The following MAGI2 variants were observed in gnomAD, a reference collection of about 807,000 sequenced individuals.
MAGI2 encodes the protein membrane associated guanylate kinase, WW and PDZ domain containing 2.
In MAGI2, 35 loss-of-function variants were observed where a neutral mutation model predicts 133.3. That is an observed-to-expected ratio of 0.26 (90% CI 0.20 to 0.35). The LOEUF is 0.35. MAGI2 is among the 10% of genes least tolerant of loss of function. The pLI is 1.00. For synonymous variants in MAGI2, 729 were observed against 710.6 expected (o/e 1.03, Z -0.41); for missense variants, 1,636 against 1,863.4 (o/e 0.88, Z 2.25).
At chr7:78,114,381 A>G (rs1819655178) in intron 20 of MAGI2, among the ~76,000 whole-genome samples, 1 of 152,192 alleles carries the variant, frequency 6.6e-6, no homozygotes, top group African/African-American at 2.4e-5. Flanking sequence ...ACTTTTTCCC[A>G]CTGGGAAATT....
intron 6 of MAGI2, among the ~76,000 whole-genome samples, chr7:78,455,692 G>A (rs1032595907): frequency 6.6e-6 from 1 of 152,048 alleles, no homozygotes; most frequent in African/African-American, 2.4e-5. Context: ...TAATATAGTC[G>A]CTATACCAAC....
intron 2 of MAGI2, among the ~76,000 whole-genome samples, chr7:78,713,371 C>T (rs1222121907): frequency 3.3e-5 from 5 of 152,038 alleles, no homozygotes; most frequent in Non-Finnish European, 7.4e-5. Context: ...ATAGTTTTGG[C>T]ATATTTGATA....
intron 3 of MAGI2, among the ~76,000 whole-genome samples, chr7:78,542,714 A>G (rs776525026): frequency 1.3e-4 from 20 of 152,194 alleles, no homozygotes; most frequent in Non-Finnish European, 1.5e-4. Context: ...CATAACATGT[A>G]AGGGGAGGAG....
At chr7:78,053,750 G>T (rs924273632) in intron 21 of MAGI2, among the ~76,000 whole-genome samples, 12 of 152,138 alleles carry the variant, frequency 7.9e-5, no homozygotes, top group Admixed American at 1.3e-4. Context: ...GGTGGATTAA[G>T]GAACGATCAG....
intron 1 of MAGI2, among the ~76,000 whole-genome samples, chr7:79,059,651 C>G (rs1172663941): frequency 6.6e-6 from 1 of 151,962 alleles, no homozygotes; most frequent in Non-Finnish European, 1.5e-5. Flanking sequence ...GTTATTAGAT[C>G]TTTATGTCCA....
At chr7:78,243,783 CAGA>C (rs1791442434) in intron 10 of MAGI2, among the ~76,000 whole-genome samples, 1 of 151,936 alleles carries the variant, frequency 6.6e-6, no homozygotes, top group Non-Finnish European at 1.5e-5. Flanking sequence ...ACAAATTAAG[CAGA>C]AGACTTTGTT....
At chr7:78,294,197 G>C (rs895386474) in intron 9 of MAGI2, among the ~76,000 whole-genome samples, 1 of 152,016 alleles carries the variant, frequency 6.6e-6, no homozygotes, top group African/African-American at 2.4e-5. Flanking sequence ...ATTAGACTGT[G>C]AACTTCCAGT....
chr7:78,996,299 T>C (rs1373825974), intron 2 of MAGI2, among the ~76,000 whole-genome samples: 1 of 152,232 alleles, frequency 6.6e-6, no homozygotes, highest in Non-Finnish European at 1.5e-5. Flanking sequence ...ATGTTAACTT[T>C]GTGGTCTAAA....
chr7:78,171,807 G>C (rs547257234), intron 14 of MAGI2, among the ~76,000 whole-genome samples: 84 of 151,008 alleles, frequency 5.6e-4, no homozygotes, highest in African/African-American at 2.0e-3. Context: ...CTCTAGCCCA[G>C]GGGGACTCTT....
At chr7:78,278,867 T>C (rs1387483040) in intron 9 of MAGI2, among the ~76,000 whole-genome samples, 1 of 152,162 alleles carries the variant, frequency 6.6e-6, no homozygotes, top group East Asian at 1.9e-4. Flanking sequence ...TCTGGTTTTG[T>C]TTCTCTGGAG....
At position 78,699,696 on chromosome 7, in the gene MAGI2, G is replaced by GT. The variant is rs571900299; in HGVS notation, c.419-72458dup. On this transcript the variant is annotated intron_variant, in intron 2 of 21. Transcript: ENST00000354212. ...CTTTACTTGGCAATTGTGTAACAAG[G>GT]TTCCTCATATAACATTAAGTCAGTA... is the stretch of plus-strand genomic sequence containing the variant. Among the ~76,000 whole-genome samples the GT allele has an allele frequency of 4.6e-5, 7 of 152,202 alleles. No homozygotes were observed. The South Asian group carries it at 1.5e-3, about 32-fold the overall frequency.
chr7:78,184,634 G>C (rs1250218051), intron 13 of MAGI2: 2 of 151,178 alleles, frequency 1.3e-5, no homozygotes, highest in African/African-American at 4.9e-5. Context: ...GCTGTTTAAA[G>C]CATTTTCATC....
At chr7:78,222,048 T>C (rs1788886856) in intron 10 of MAGI2, among the ~76,000 whole-genome samples, 1 of 151,992 alleles carries the variant, frequency 6.6e-6, no homozygotes, top group African/African-American at 2.4e-5. Context: ...AGATCTTGTC[T>C]CTTAAAAAAT....
At chr7:78,266,658 A>G (rs57967469) in intron 9 of MAGI2, among the ~76,000 whole-genome samples, 28,776 of 150,978 alleles carry the variant, frequency 0.19, 3,212 homozygotes, top group South Asian at 0.31. Flanking sequence ...GCTTACTGCA[A>G]CCTCCACCTC....
At chr7:79,068,215 C>T (rs1814572269) in intron 1 of MAGI2, among the ~76,000 whole-genome samples, 2 of 152,126 alleles carry the variant, frequency 1.3e-5, no homozygotes, top group African/African-American at 4.8e-5. Context: ...TAGAATTCGG[C>T]TGTGAATCCA....
chr7:78,785,626 G>A (rs1422691769), intron 2 of MAGI2, among the ~76,000 whole-genome samples: 5 of 151,890 alleles, frequency 3.3e-5, no homozygotes, highest in South Asian at 2.1e-4. Context: ...CTTCTCTCAC[G>A]GTTATATCTT....
At chr7:79,186,763 A>ATGTATACAAAAG (rs1216613254) in intron 1 of MAGI2, among the ~76,000 whole-genome samples, 1 of 111,542 alleles carries the variant, frequency 9.0e-6, no homozygotes, top group African/African-American at 2.7e-5. Flanking sequence ...ATATATATAT[A>ATGTATACAAAAG]TATATATATA....
At chr7:78,468,727 G>T (rs1790895826) in intron 6 of MAGI2, among the ~76,000 whole-genome samples, 1 of 152,154 alleles carries the variant, frequency 6.6e-6, no homozygotes, top group African/African-American at 2.4e-5. Context: ...CAATTGGGAG[G>T]TTAAAAGCAA....
chr7:78,633,667 C>T (rs1486273115), intron 2 of MAGI2, among the ~76,000 whole-genome samples: 1 of 140,022 alleles, frequency 7.1e-6, no homozygotes, highest in South Asian at 2.2e-4. Context: ...GATCGCGCCA[C>T]TGCACTCCAG....
Sources: gnomAD v4.1 joint callset for allele counts (sites outside exome capture counted in the v4.1 genomes callset) on GRCh38, gnomAD v4.1.1 for gene constraint, MANE v1.5 for transcripts, NCBI Gene and HGNC (gene_info 2026-07-23, HGNC 2026-07-21) for gene names.